Variants in ABHD2 observed in about 807,000 individuals in gnomAD.
The protein encoded by ABHD2 is monoacylglycerol lipase ABHD2.
ABHD2 carries 20 observed loss-of-function variants against 48.1 expected under a neutral mutation model. The ratio of observed to expected loss-of-function variants is 0.42; its 90% CI spans 0.29 to 0.60. The LOEUF (loss-of-function observed/expected upper bound fraction) is 0.60. Ranked by LOEUF, ABHD2 falls within the 20% of genes least tolerant of loss-of-function variation. ABHD2 has a pLI of 0.24. For missense variants in ABHD2, 405 were observed against 550.9 expected, an observed-to-expected ratio of 0.74 and a Z score of 2.65; for synonymous variants, 209 against 214.2, an observed-to-expected ratio of 0.98 and a Z score of 0.21.
chr15:89,179,140 G>A lies in ABHD2; in HGVS notation c.722+3145G>A, dbSNP rs1260444793. Among the ~76,000 whole-genome samples, 2 of 152,176 alleles carry A rather than the reference G, an allele frequency of 1.3e-5. No individual in the cohort carries two copies. The highest frequency in any genetic ancestry group is 1.9e-4 in the East Asian group (1 of 5,178). On this transcript the variant is annotated intron_variant, in intron 6 of 10. Coordinates refer to ENST00000352732, the MANE Select transcript of ABHD2 (RefSeq NM_152924.5). This position sits in a 1 kb window ranked among gnomAD's most constrained non-coding sequence, Gnocchi z 4.3. ...AAGGAGGTCCTCAGTCAAGTGGGGG[G>A]TCCATGAGGAGGGATTTCTGAAGGA... is the stretch of plus-strand genomic sequence containing the variant.
At position 89,127,998 on chromosome 15, in the gene ABHD2, C is replaced by G. The variant is rs150177189; in HGVS notation, c.194+11477C>G. On this transcript the variant is annotated intron_variant, in intron 3 of 10. Transcript: ENST00000352732. ...AAACAATAACTTTCCACATATGTAT[C>G]TCTCGTCACACCTCAAGTGTATTCT... Among the ~76,000 whole-genome samples, 201 of 152,178 alleles carry G rather than the reference C, an allele frequency of 1.3e-3. 1 individual carries two copies. The highest frequency in any genetic ancestry group is 6.9e-3 in the East Asian group (36 of 5,188).
At chr15:89,074,891 C>T in the ABHD2 span, among the ~76,000 whole-genome samples, 1 of 152,176 alleles carries the variant, frequency 6.6e-6, no homozygotes, top group Non-Finnish European at 1.5e-5. Flanking sequence ...TGCCTCATAT[C>T]ACTGATAACA....
At chr15:89,043,480 G>C in the ABHD2 span, among the ~76,000 whole-genome samples, 7 of 147,626 alleles carry the variant, frequency 4.7e-5, no homozygotes, top group Non-Finnish European at 1.0e-4. Flanking sequence ...AGAAGGAGAG[G>C]AAGAAGGGGG....
upstream of ABHD2, chr15:89,087,287 A>T (rs987641301): frequency 1.3e-5 from 2 of 152,252 alleles, no homozygotes; most frequent in Admixed American, 6.5e-5. The surrounding 1 kb of genome is among the most constrained non-coding windows in gnomAD (Gnocchi z 5.5). Context: ...AAAAATTTAC[A>T]TGGTAACAAA....
At chr15:89,123,658 C>A (rs2050088515) in intron 3 of ABHD2, among the ~76,000 whole-genome samples, 1 of 134,882 alleles carries the variant, frequency 7.4e-6, no homozygotes, top group Non-Finnish European at 1.5e-5. Flanking sequence ...AGTACAATGG[C>A]ACAATCATGG....
chr15:89,134,324 C>G (rs2150851593), intron 3 of ABHD2, among the ~76,000 whole-genome samples: 1 of 152,224 alleles, frequency 6.6e-6, no homozygotes, highest in South Asian at 2.1e-4. Context: ...AGAATTTATC[C>G]TGGTGTGAGG....
rs1187259840 is a variant in ABHD2 at position 89,175,130 on chromosome 15, C to A, written c.539-682C>A. On this transcript the variant is annotated intron_variant, in intron 5 of 10. Transcript: ENST00000352732. The surrounding 1 kb of genome is among the most constrained non-coding windows in gnomAD (Gnocchi z 5.7). Reference sequence around the variant, plus strand: ...AACATCCACTTGCTACTTTTCTTAACACCATGAATCATCATACACATGGGT... The same window carrying A: ...AACATCCACTTGCTACTTTTCTTAAAACCATGAATCATCATACACATGGGT... Among the ~76,000 whole-genome samples the A allele has an allele frequency of 3.3e-5, 5 of 152,242 alleles. No individual in the cohort carries two copies.
At chr15:89,142,299 T>C (rs2050416243) in intron 3 of ABHD2, among the ~76,000 whole-genome samples, 1 of 152,224 alleles carries the variant, frequency 6.6e-6, no homozygotes, top group Non-Finnish European at 1.5e-5. Context: ...ATAAATAAAA[T>C]AGCAGTTTTA....
intron 6 of ABHD2, among the ~76,000 whole-genome samples, chr15:89,183,765 A>G (rs752175023): frequency 6.6e-5 from 10 of 152,092 alleles, no homozygotes; most frequent in Admixed American, 6.5e-5. Context: ...CCTGTCTGCA[A>G]TGAAGGAGGT....
intron 6 of ABHD2, chr15:89,183,292 T>A (rs1267279049): frequency 2.7e-5 from 4 of 150,552 alleles, no homozygotes; most frequent in African/African-American, 9.7e-5. Flanking sequence ...TCTATGTTTC[T>A]TTTAGTCTGT....
At chr15:89,105,602 A>G (rs113217790) in intron 1 of ABHD2, among the ~76,000 whole-genome samples, 7,267 of 152,354 alleles carry the variant, frequency 0.048, 261 homozygotes, top group Middle Eastern at 0.11. Flanking sequence ...GTTCTCTTCT[A>G]CTAAATTGTG....
At chr15:89,048,710 T>G in the ABHD2 span, among the ~76,000 whole-genome samples, 4 of 152,148 alleles carry the variant, frequency 2.6e-5, no homozygotes, top group Non-Finnish European at 5.9e-5. Context: ...GGCTTCTGCA[T>G]TCTTCACGTA....
At chr15:89,190,489 C>T (rs905478087) in intron 8 of ABHD2, among the ~76,000 whole-genome samples, 2 of 152,058 alleles carry the variant, frequency 1.3e-5, no homozygotes, top group Non-Finnish European at 2.9e-5. Context: ...TTCCAATTCA[C>T]GGTGGTCCTG....
At chr15:89,145,454 G>A (rs985492860) in intron 3 of ABHD2, among the ~76,000 whole-genome samples, 3 of 152,202 alleles carry the variant, frequency 2.0e-5, no homozygotes, top group Non-Finnish European at 4.4e-5. Context: ...AATGCCAAGA[G>A]TTGGGGACAG....
At chr15:89,140,609 A>G (rs778638641) in intron 3 of ABHD2, among the ~76,000 whole-genome samples, 14 of 152,082 alleles carry the variant, frequency 9.2e-5, no homozygotes, top group Admixed American at 2.0e-4. Flanking sequence ...ACACACATAC[A>G]CACACCACCT....
At chr15:89,156,162 C>A (rs1363278976) in intron 5 of ABHD2, among the ~76,000 whole-genome samples, 21 of 145,284 alleles carry the variant, frequency 1.4e-4, no homozygotes, top group African/African-American at 5.4e-4. Context: ...GCTCTGTCAC[C>A]CAGGCTGGAG....
chr15:89,180,147 G>A (rs4932479), intron 6 of ABHD2, among the ~76,000 whole-genome samples: 89,992 of 151,746 alleles, frequency 0.59, 26,985 homozygotes, highest in East Asian at 0.8. Flanking sequence ...AAACTGCAGC[G>A]TTTAAATGAG....
rs4032279 is a variant in ABHD2, at chr15:89,146,355, C to CGT, written c.195-5279_195-5278dup. Among the ~76,000 whole-genome samples the CGT allele has an allele frequency of 0.06, 7,292 of 121,514 alleles. 255 individuals carry two copies. Among genetic ancestry groups the CGT allele is most frequent in the Non-Finnish European group, 0.076 (4,487 of 58,662 alleles). The allele number at this position is 121,514 out of a possible 152,430, so 79.7% of individuals were successfully genotyped here. On this transcript the variant is annotated intron_variant, in intron 3 of 10. Coordinates refer to ENST00000352732, the MANE Select transcript of ABHD2 (RefSeq NM_152924.5). This position sits in a 1 kb window ranked among gnomAD's most constrained non-coding sequence, Gnocchi z 4.2. ...TGAGCTTCATCTGCTCAAAGACGTA[C>CGT]GTGTGTGTGTGTGTGTGTGTGTGTG...
chr15:89,096,517 A>G (rs896929375), intron 1 of ABHD2, among the ~76,000 whole-genome samples: 1 of 152,232 alleles, frequency 6.6e-6, no homozygotes. Flanking sequence ...GAAAGACCCC[A>G]GTGCAGGAAT....
Sources: allele counts gnomAD v4.1 joint callset (sites outside exome capture counted in the v4.1 genomes callset), GRCh38; gene constraint gnomAD v4.1.1; non-coding constraint Gnocchi (gnomAD v3.1); transcripts MANE v1.5; gene names NCBI Gene and HGNC (gene_info 2026-07-23, HGNC 2026-07-21).